Variants in PREP observed in about 807,000 individuals in gnomAD.
PREP encodes the protein prolyl endopeptidase.
In PREP, 29 loss-of-function variants were observed where a neutral mutation model predicts 87.6. The observed-to-expected ratio is 0.33, with a 90% CI of 0.25 to 0.45. The LOEUF (loss-of-function observed/expected upper bound fraction) is 0.45. PREP is among the 20% of genes least tolerant of loss of function. The pLI is 1.00. For synonymous variants in PREP, 337 were observed against 328.6 expected (o/e 1.03, Z -0.28); for missense variants, 695 against 886.5 (o/e 0.78, Z 2.74).
intron 10 of PREP, among the ~76,000 whole-genome samples, chr6:105,301,320 C>CAAAT (rs1770532706): frequency 1.3e-5 from 2 of 152,174 alleles, no homozygotes; most frequent in African/African-American, 4.8e-5. Context: ...CTACGTGTGC[C>CAAAT]AAATAAATCT....
At chr6:105,294,780 T>C (rs979656710) in intron 10 of PREP, among the ~76,000 whole-genome samples, 1 of 152,228 alleles carries the variant, frequency 6.6e-6, no homozygotes, top group African/African-American at 2.4e-5. Context: ...TCCAACTTGC[T>C]CTTTCGCCAC....
intron 14 of PREP, chr6:105,281,279 C>T (rs1656803902): frequency 1.3e-5 from 2 of 152,892 alleles, no homozygotes; most frequent in African/African-American, 4.8e-5. Context: ...TAGAGGTCCC[C>T]CTTCCTCCAT....
rs1382836206 is a variant in PREP at position 105,278,444 on chromosome 6, A to C, written c.1839-6T>G. ...CATTATGCAATGGAGAGTATCTGGA[A>C]GGCAAAAACACCTTTGTGAGGCTGG... On this transcript the variant is annotated splice_region_variant and splice_polypyrimidine_tract_variant and intron_variant, in intron 14 of 14. Transcript: ENST00000652536. This position sits in a 1 kb window ranked among gnomAD's most constrained non-coding sequence, Gnocchi z 4.2. The C allele has an allele frequency of 6.2e-7, 1 of 1,604,626 alleles. No individual in the cohort carries two copies. The highest frequency in any genetic ancestry group is 1.7e-5 in the Admixed American group (1 of 59,838).
chr6:105,368,980 C>A lies in PREP; in HGVS notation c.640G>T (p.Val214Phe). Reference sequence around the variant, plus strand: ...TCTTCTGACTGATCGGTTCCCAAGACATGGTAGTAGAGCTTTTGGTGGAGA... The same window carrying A: ...TCTTCTGACTGATCGGTTCCCAAGAAATGGTAGTAGAGCTTTTGGTGGAGA... Reference protein sequence around the residue: ...TNLHQKLYYHVLGTDQSEDIL... With the variant: ...TNLHQKLYYHFLGTDQSEDIL... The change falls in exon 6 of 15, where the codon GTC (valine) becomes TTC (phenylalanine). Residue 214 changes from valine to phenylalanine, a missense_variant. By Grantham distance (50) the Val-to-Phe change is conservative (BLOSUM62 -1). Coordinates refer to ENST00000652536, the MANE Select transcript of PREP (RefSeq NM_002726.5). The A allele has an allele frequency of 6.2e-7, 1 of 1,613,980 alleles. No individual in the cohort carries two copies. Among genetic ancestry groups the A allele is most frequent in the Non-Finnish European group, 8.5e-7 (1 of 1,179,916 alleles).
At chr6:105,390,014 T>C (rs1235598690) in intron 2 of PREP, among the ~76,000 whole-genome samples, 1 of 152,172 alleles carries the variant, frequency 6.6e-6, no homozygotes, top group East Asian at 1.9e-4. Flanking sequence ...GACACTAAAA[T>C]ACCTACATAG....
intron 6 of PREP, among the ~76,000 whole-genome samples, chr6:105,364,504 TGAC>T (rs939247254): frequency 2.8e-4 from 43 of 152,194 alleles, no homozygotes; most frequent in African/African-American, 7.9e-4. Flanking sequence ...AAGGGGAGGT[TGAC>T]GACAGCAAGC....
Position 105,323,154 on chromosome 6 carries a change from G to A in PREP, c.1317+511C>T, listed in dbSNP as rs1324077397. 3 of 1,270,060 alleles carry A rather than the reference G, an allele frequency of 2.4e-6. No individual in the cohort carries two copies. The African/African-American group carries it at 4.6e-5, about 20-fold the overall frequency. 78.7% of individuals were successfully genotyped at this position (1,270,060 alleles called of 1,614,324 possible). A position where few individuals can be genotyped will look rare whatever the true frequency, so the allele number is the denominator to read the frequency against. On this transcript the variant is annotated intron_variant, in intron 10 of 14. Transcript: ENST00000652536. ...GAGATTCTTAACCTGAAAAGATGGT[G>A]GCCAAAGACGAAGCTTGTGGTGACA...
In PREP at chr6:105,278,564, G is replaced by T; in HGVS notation, c.1839-126C>A. 1 of 958,516 alleles carries T rather than the reference G, an allele frequency of 1.0e-6. No homozygotes were observed. The highest frequency in any genetic ancestry group is 1.5e-6 in the Non-Finnish European group (1 of 657,818). The allele number at this position is 958,516 out of a possible 1,614,324, so 59.4% of individuals were successfully genotyped here. A position where few individuals can be genotyped will look rare whatever the true frequency, so the allele number is the denominator to read the frequency against. On this transcript the variant is annotated intron_variant, in intron 14 of 14. Transcript: ENST00000652536. The surrounding 1 kb of genome is among the most constrained non-coding windows in gnomAD (Gnocchi z 4.2). ...AGTACGTGAGTGACCACCATGGACT[G>T]TGCCTATGCGTTACCATTTAGGCCA...
intron 6 of PREP, among the ~76,000 whole-genome samples, chr6:105,358,783 C>T (rs1421218688): frequency 4.6e-5 from 7 of 152,030 alleles, no homozygotes; most frequent in Non-Finnish European, 1.0e-4. Flanking sequence ...GAATCAAGGT[C>T]GTCAATGAAA....
rs527381618 is a variant in PREP, at chr6:105,393,545, T to C, written c.120+4308A>G. ...GCAAATCTAACGCTGATATGAAATATGTTAACAGAGATATTTTGTAAAGAA... is the reference window on the plus strand; with the variant it reads ...GCAAATCTAACGCTGATATGAAATACGTTAACAGAGATATTTTGTAAAGAA... On this transcript the variant is annotated intron_variant, in intron 2 of 14. Coordinates refer to ENST00000652536, the MANE Select transcript of PREP (RefSeq NM_002726.5). Among the ~76,000 whole-genome samples, 4 of 152,316 alleles carry C rather than the reference T, an allele frequency of 2.6e-5. No homozygotes were observed. The South Asian group carries it at 6.2e-4, about 24-fold the overall frequency.
At position 105,385,987 on chromosome 6, in the gene PREP, G is replaced by A. The variant is rs528622536; in HGVS notation, c.121-8468C>T. ...ATACAAAGATTAGCTGGGCGTGGTG[G>A]CGCATGCCTGTAATCCCAGCTACTC... On this transcript the variant is annotated intron_variant, in intron 2 of 14. Transcript: ENST00000652536. Among the ~76,000 whole-genome samples the A allele has an allele frequency of 2.6e-5, 4 of 152,274 alleles. No individual in the cohort carries two copies. In the South Asian group the frequency reaches 6.2e-4, roughly 24 times the overall value.
At chr6:105,305,120 T>C (rs921214161) in intron 10 of PREP, among the ~76,000 whole-genome samples, 1 of 152,208 alleles carries the variant, frequency 6.6e-6, no homozygotes, top group African/African-American at 2.4e-5. Flanking sequence ...TTACTTGTTT[T>C]ATTGTAAGTA....
chr6:105,363,996 C>T (rs1024480240), intron 6 of PREP, among the ~76,000 whole-genome samples: 4 of 152,024 alleles, frequency 2.6e-5, no homozygotes, highest in Non-Finnish European at 5.9e-5. Context: ...TGCAAGCAGC[C>T]AAGAGAGGCC....
chr6:105,289,302 T>A (rs1005861876), intron 10 of PREP, among the ~76,000 whole-genome samples: 1 of 152,158 alleles, frequency 6.6e-6, no homozygotes, highest in African/African-American at 2.4e-5. Flanking sequence ...AGGGGCACAT[T>A]TGCCATCCTG....
chr6:105,364,048 CCA>C (rs1412420868), intron 6 of PREP, among the ~76,000 whole-genome samples: 1 of 152,294 alleles, frequency 6.6e-6, no homozygotes, highest in Non-Finnish European at 1.5e-5. Context: ...AAGCAAAACT[CCA>C]GTTTCTCTTG....
intron 8 of PREP, among the ~76,000 whole-genome samples, chr6:105,329,326 T>C (rs1475614929): frequency 6.6e-6 from 1 of 152,120 alleles, no homozygotes; most frequent in Non-Finnish European, 1.5e-5. Flanking sequence ...CTAATTTTTA[T>C]ATTTTTAGTA....
chr6:105,388,097 G>A (rs1040764399), intron 2 of PREP, among the ~76,000 whole-genome samples: 3 of 152,170 alleles, frequency 2.0e-5, no homozygotes, highest in Admixed American at 6.5e-5. Flanking sequence ...CCTCCGTAGC[G>A]CCCTCCCTTC....
intron 10 of PREP, among the ~76,000 whole-genome samples, chr6:105,315,246 C>T (rs1028637192): frequency 6.6e-6 from 1 of 152,182 alleles, no homozygotes; most frequent in Non-Finnish European, 1.5e-5. Context: ...TCACTGAAGC[C>T]TTGAACCCCT....
At chr6:105,397,969 C>T in intron 1 of PREP, 42 bp from the exon 2 acceptor site, 3 of 1,419,550 alleles carry the variant, frequency 2.1e-6, no homozygotes, top group Non-Finnish European at 3.0e-6. Flanking sequence ...TACTCTCTAA[C>T]CCCAATTAAA....
Sources: allele counts gnomAD v4.1 joint callset (sites outside exome capture counted in the v4.1 genomes callset), GRCh38; gene constraint gnomAD v4.1.1; non-coding constraint Gnocchi (gnomAD v3.1); transcripts MANE v1.5; gene names NCBI Gene and HGNC (gene_info 2026-07-23, HGNC 2026-07-21).